The following CCDC180 variants were observed in gnomAD, a reference collection of about 807,000 sequenced individuals.
The protein encoded by CCDC180 is coiled-coil domain containing 180.
A neutral mutation model predicts 209.2 loss-of-function variants in CCDC180; 154 were observed. The ratio of observed to expected loss-of-function variants is 0.74; its 90% CI spans 0.65 to 0.84. The LOEUF (loss-of-function observed/expected upper bound fraction) is 0.84. CCDC180 is among the 40% of genes least tolerant of loss of function. The probability of loss-of-function intolerance (pLI) is 0.00; values close to 1 mark genes in which losing one functional copy is unlikely to be tolerated. For synonymous variants in CCDC180, 778 were observed against 749.1 expected (o/e 1.04, Z -0.63); for missense variants, 1,874 against 1,997.3 (o/e 0.94, Z 1.18).
rs1832853996 is a variant in CCDC180, at chr9:97,308,048, C to G, written c.-16C>G. The stretch of plus-strand genomic sequence containing the variant: ...GACGACGGCTTCCCGGCAGGGGCAT[C>G]CAGCCAGCGGCCAAGATGTCGTCAG... On this transcript the variant is annotated 5_prime_UTR_variant, in exon 2 of 37. It adds an upstream start codon to the 5' untranslated region. Coordinates refer to ENST00000529487, the MANE Select transcript of CCDC180 (RefSeq NM_020893.6). 6.2e-7 allele frequency: 1 copy of G among 1,613,294 alleles called. No individual in the cohort carries two copies. Among genetic ancestry groups the G allele is most frequent in the Non-Finnish European group, 8.5e-7 (1 of 1,179,734 alleles).
At chr9:97,307,653 C>T (rs1213117247), upstream of CCDC180, 1 of 1,357,186 alleles carries the variant, frequency 7.4e-7, no homozygotes, top group African/African-American at 1.4e-5. Flanking sequence ...TCCCAACCGA[C>T]ACCTTGAGCG....
chr9:97,310,212 G>GAACAGGA (rs1832936936), intron 3 of CCDC180, among the ~76,000 whole-genome samples: 1 of 152,226 alleles, frequency 6.6e-6, no homozygotes, highest in African/African-American at 2.4e-5. Context: ...GAAGGCCAGG[G>GAACAGGA]CACAGGACAC....
rs780957682 is a variant in CCDC180 at position 97,362,412 on chromosome 9, A to T, written c.3873A>T (p.Val1291=). 33 of 1,614,128 alleles carry T rather than the reference A, an allele frequency of 2.0e-5. No individual in the cohort carries two copies. The highest frequency in any genetic ancestry group is 2.7e-5 in the Non-Finnish European group (32 of 1,180,028). The change falls in exon 28 of 37, where the codon GTA becomes GTT. Residue 1291 remains valine, a synonymous_variant. Coordinates refer to ENST00000529487, the MANE Select transcript of CCDC180 (RefSeq NM_020893.6). ...CQPENSGKKA[V]PSASATSAGS... ...CAGAAAACTCTGGGAAGAAGGCTGT[A>T]CCCAGTGCCAGTGCTACCTCTGCAG...
chr9:97,325,163 C>T lies in CCDC180; in HGVS notation c.1516C>T (p.His506Tyr). 1 of 1,606,232 alleles carries T rather than the reference C, an allele frequency of 6.2e-7. No homozygotes were observed. Among genetic ancestry groups the T allele is most frequent in the Non-Finnish European group, 8.5e-7 (1 of 1,176,330 alleles). The change falls in exon 14 of 37, where the codon CAC becomes TAC. Residue 506 changes from histidine (H) to tyrosine (Y), a missense_variant. Coordinates refer to ENST00000529487, the MANE Select transcript of CCDC180 (RefSeq NM_020893.6). ...GGAGCTGGAGAAGAGGATGGAGCAG[C>T]ACCGGCAGAAGCACAGCCTGGAGAG... ...ELELEKRMEQ[H>Y]RQKHSLESQV...
intron 19 of CCDC180, among the ~76,000 whole-genome samples, chr9:97,344,917 A>C (rs1826202192): frequency 6.6e-6 from 1 of 152,168 alleles, no homozygotes; most frequent in Non-Finnish European, 1.5e-5. Flanking sequence ...AAAGATAACA[A>C]ATATTATAAC....
intron 6 of CCDC180, 35 bp downstream of exon 6, chr9:97,314,556 C>T: frequency 6.2e-7 from 1 of 1,613,702 alleles, no homozygotes; most frequent in Non-Finnish European, 8.5e-7. Context: ...CTGCCCCACC[C>T]AGGTCCTGCT....
chr9:97,376,677 C>G lies in CCDC180; in HGVS notation c.4843-86C>G, dbSNP rs185369858. ...AGTGCCTGGAATGGGTTAAAAACCA[C>G]CTGCCAGCAAGTTACAGCATTGCCC... On this transcript the variant is annotated intron_variant, in intron 36 of 36. Coordinates refer to ENST00000529487, the MANE Select transcript of CCDC180 (RefSeq NM_020893.6). 24 of 1,466,748 alleles carry G rather than the reference C, an allele frequency of 1.6e-5. No homozygotes were observed. In the Admixed American group the frequency reaches 4.8e-4, roughly 30 times the overall value. The allele number at this position is 1,466,748 out of a possible 1,614,324, so 90.9% of individuals were successfully genotyped here.
chr9:97,316,478 G>C (rs1037408194), intron 8 of CCDC180, among the ~76,000 whole-genome samples: 1 of 152,190 alleles, frequency 6.6e-6, no homozygotes, highest in Non-Finnish European at 1.5e-5. Flanking sequence ...GAGGCATTTG[G>C]GGCCAGGGAG....
chr9:97,320,155 C>T lies in CCDC180; in HGVS notation c.1109C>T (p.Thr370Ile). ...CTCCTGCCCCCCAGTTACAGCAAAA[C>T]TCAGCTGACTGAGTGGCATTCTTCC... ...CDLLPPSYSK[T>I]QLTEWHSSLN... Residue 370 changes from threonine (T) to isoleucine (I), a missense_variant, in exon 11 of 37, where the codon ACT (threonine) becomes ATT (isoleucine). Coordinates refer to ENST00000529487, the MANE Select transcript of CCDC180 (RefSeq NM_020893.6). 1 of 1,614,180 alleles carries T rather than the reference C, an allele frequency of 6.2e-7. No homozygotes were observed. The highest frequency in any genetic ancestry group is 8.5e-7 in the Non-Finnish European group (1 of 1,180,038).
chr9:97,316,451 G>A (rs1057303932), intron 8 of CCDC180, among the ~76,000 whole-genome samples: 3 of 152,322 alleles, frequency 2.0e-5, no homozygotes, highest in Non-Finnish European at 4.4e-5. Context: ...TCCCTGGAGG[G>A]CTTTGGGAAA....
At position 97,350,466 on chromosome 9, in the gene CCDC180, C is replaced by A. The variant is rs1826392057; in HGVS notation, c.2913C>A (p.Thr971=). The change falls in exon 22 of 37, where the codon ACC becomes ACA. Residue 971 remains threonine (T), a synonymous_variant. Coordinates refer to ENST00000529487, the MANE Select transcript of CCDC180 (RefSeq NM_020893.6). The stretch of plus-strand genomic sequence containing the variant: ...AGTTGCTTAGCTATGTTGATGTCAC[C>A]CAGGTGTCCCTGCGCAGCTTCCGGC... ...HQELLSYVDV[T]QVSLRSFRQY... is the part of the protein sequence containing the mutation. The A allele has an allele frequency of 6.5e-7, 1 of 1,536,168 alleles. No homozygotes were observed. The highest frequency in any genetic ancestry group is 1.4e-5 in the African/African-American group (1 of 73,016).
At chr9:97,319,014 A>T (rs1046103324) in intron 10 of CCDC180, among the ~76,000 whole-genome samples, 3 of 152,078 alleles carry the variant, frequency 2.0e-5, no homozygotes, top group African/African-American at 7.2e-5. Flanking sequence ...CTCTCCTCAG[A>T]TGTGGGTCCA....
At position 97,307,963 on chromosome 9, in the gene CCDC180, G is replaced by C. The variant is rs749462552; in HGVS notation, c.-81-20G>C. On this transcript the variant is annotated intron_variant, in intron 1 of 36. Coordinates refer to ENST00000529487, the MANE Select transcript of CCDC180 (RefSeq NM_020893.6). ...CTGGACCTGAACCTGAGTTTGGGAC[G>C]GGCGATTTCCCAACCTCAGGAATTG... is the stretch of plus-strand genomic sequence containing the variant. 6.3e-6 allele frequency: 10 copies of C among 1,582,420 alleles called. No homozygotes were observed. The highest frequency in any genetic ancestry group is 8.6e-6 in the Non-Finnish European group (10 of 1,162,568).
chr9:97,313,463 C>A, intron 5 of CCDC180, 118 bp downstream of exon 5: 1 of 643,632 alleles, frequency 1.6e-6, no homozygotes, highest in Non-Finnish European at 2.7e-6. Flanking sequence ...GCTCACAGAG[C>A]CTTAGACGAC....
intron 24 of CCDC180, among the ~76,000 whole-genome samples, chr9:97,355,615 T>C (rs1826559616): frequency 6.6e-6 from 1 of 152,210 alleles, no homozygotes; most frequent in African/African-American, 2.4e-5. Flanking sequence ...GGCAGTATTT[T>C]AGTGACTTAG....
In CCDC180 at chr9:97,326,604, T is replaced by C. The variant is rs1286419282; in HGVS notation, c.1596T>C (p.Ser532=). 1 of 1,613,892 alleles carries C rather than the reference T, an allele frequency of 6.2e-7. No individual in the cohort carries two copies. The highest frequency in any genetic ancestry group is 1.7e-5 in the Admixed American group (1 of 59,984). Residue 532 remains serine (S), a synonymous_variant, in exon 15 of 37, where the codon AGT becomes AGC. Coordinates refer to ENST00000529487, the MANE Select transcript of CCDC180 (RefSeq NM_020893.6). The part of the protein sequence containing the change: ...DRLLDQLRQQ[S]DKETLAFHLE... ...TCTTGGACCAACTGAGGCAGCAAAG[T>C]GACAAAGAAACACTGGCGTTTCACC...
intron 11 of CCDC180, among the ~76,000 whole-genome samples, chr9:97,320,646 A>C (rs761867087): frequency 6.6e-6 from 1 of 152,180 alleles, no homozygotes; most frequent in Non-Finnish European, 1.5e-5. Flanking sequence ...AATGGTCCCT[A>C]CTTGTGGGGT....
intron 16 of CCDC180, among the ~76,000 whole-genome samples, chr9:97,329,759 G>C (rs145231911): frequency 2.6e-5 from 4 of 152,102 alleles, no homozygotes; most frequent in Non-Finnish European, 5.9e-5. Context: ...GGGAGGGATG[G>C]GTCCTTTTAC....
chr9:97,318,007 C>T (rs1833234329), intron 9 of CCDC180, among the ~76,000 whole-genome samples: 1 of 152,190 alleles, frequency 6.6e-6, no homozygotes, highest in Non-Finnish European at 1.5e-5. Flanking sequence ...ATGAGCCAAG[C>T]ACAGTGCTAG....
Sources: gnomAD v4.1 joint callset for allele counts (sites outside exome capture counted in the v4.1 genomes callset) on GRCh38, gnomAD v4.1.1 for gene constraint, MANE v1.5 for transcripts, NCBI Gene and HGNC (gene_info 2026-07-23, HGNC 2026-07-21) for gene names.